SMAD3: variants seen among roughly 807,000 people sequenced by gnomAD.
The protein encoded by SMAD3 is SMAD family member 3.
In SMAD3, 12 loss-of-function variants were observed where a neutral mutation model predicts 51.8. The observed-to-expected ratio is 0.23, with a 90% CI of 0.15 to 0.38. The LOEUF (loss-of-function observed/expected upper bound fraction) is 0.38. Ranked by LOEUF, SMAD3 falls within the 10% of genes least tolerant of loss-of-function variation. The pLI is 1.00. For missense variants in SMAD3, 294 were observed against 565.6 expected (o/e 0.52, Z 4.87); for synonymous variants, 238 against 227.7 (o/e 1.05, Z -0.41).
intron 1 of SMAD3, among the ~76,000 whole-genome samples, chr15:67,094,103 G>T (rs567744456): frequency 6.6e-6 from 1 of 152,202 alleles, no homozygotes; most frequent in East Asian, 1.9e-4. Flanking sequence ...CCTGTGGAGG[G>T]GTCCTCAGGG....
At chr15:67,089,576 C>T (rs952484708) in intron 1 of SMAD3, among the ~76,000 whole-genome samples, 2 of 152,194 alleles carry the variant, frequency 1.3e-5, no homozygotes, top group African/African-American at 4.8e-5. Flanking sequence ...TTTGTCTACA[C>T]TGTGTTGCCT....
Position 67,106,538 on chromosome 15 carries a change from A to C in SMAD3, c.206+40178A>C, listed in dbSNP as rs541043637. Among the ~76,000 whole-genome samples, 4 of 152,268 alleles carry C rather than the reference A, an allele frequency of 2.6e-5. No homozygotes were observed. In the South Asian group the frequency reaches 8.3e-4, roughly 32 times the overall value. On this transcript the variant is annotated intron_variant, in intron 1 of 8. Transcript: ENST00000327367. Reference sequence around the variant, plus strand: ...TCTTTTCCTTCTGAGACCCTACTCCAGCTTGTAGTTCTAAATCTGTGATTA... The same window carrying C: ...TCTTTTCCTTCTGAGACCCTACTCCCGCTTGTAGTTCTAAATCTGTGATTA...
chr15:67,095,379 G>A (rs774899099), intron 1 of SMAD3, among the ~76,000 whole-genome samples: 18 of 152,070 alleles, frequency 1.2e-4, no homozygotes, highest in Non-Finnish European at 2.2e-4. Context: ...TGGGTGAACT[G>A]GCCAGCAAAT....
At chr15:67,087,938 G>A (rs1203138427) in intron 1 of SMAD3, among the ~76,000 whole-genome samples, 1 of 152,174 alleles carries the variant, frequency 6.6e-6, no homozygotes, top group African/African-American at 2.4e-5. Flanking sequence ...GCCTGAAATG[G>A]GTGGAGCAAG....
intron 1 of SMAD3, among the ~76,000 whole-genome samples, chr15:67,150,341 G>A (rs931373492): frequency 4.1e-4 from 63 of 152,098 alleles, no homozygotes; most frequent in African/African-American, 1.5e-3. Context: ...CCCGCCCCCA[G>A]TCAGGAATGC....
At chr15:67,117,575 C>T (rs537636491) in intron 1 of SMAD3, among the ~76,000 whole-genome samples, 3 of 152,186 alleles carry the variant, frequency 2.0e-5, no homozygotes, top group South Asian at 2.1e-4. Context: ...GGGTGGGCGA[C>T]TCTGGTGGGT....
chr15:67,117,560 G>T (rs1658961001), intron 1 of SMAD3, among the ~76,000 whole-genome samples: 1 of 152,154 alleles, frequency 6.6e-6, no homozygotes, highest in Non-Finnish European at 1.5e-5. Flanking sequence ...TTCAGCAGAT[G>T]TGCCGGGTGG....
At chr15:67,174,975 C>G (rs1474844279) in intron 5 of SMAD3, among the ~76,000 whole-genome samples, 1 of 152,180 alleles carries the variant, frequency 6.6e-6, no homozygotes, top group Non-Finnish European at 1.5e-5. Flanking sequence ...CAGGCAGGCT[C>G]TCGGAGACCC....
chr15:67,177,422 G>GTTTTTTTTTTTTTTTTTTTT lies in SMAD3; in HGVS notation c.659-3806_659-3805insTTTTTTTTTTTTTTTTTTTT, dbSNP rs68095915. Among the ~76,000 whole-genome samples, 297 of 93,846 alleles carry GTTTTTTTTTTTTTTTTTTTT rather than the reference G, an allele frequency of 3.2e-3. 34 individuals carry two copies. Among genetic ancestry groups the GTTTTTTTTTTTTTTTTTTTT allele is most frequent in the African/African-American group, 0.01 (263 of 25,414 alleles). The allele number at this position is 93,846 out of a possible 152,430, so 61.6% of individuals were successfully genotyped here. A position where few individuals can be genotyped will look rare whatever the true frequency, so the allele number is the denominator to read the frequency against. ...AATGAGGGCATATTTAGTGTTTTGGGTTTTTTTTTTTTTGGTGTGTGGCAG... is the reference window on the plus strand; with the variant it reads ...AATGAGGGCATATTTAGTGTTTTGGGTTTTTTTTTTTTTTTTTTTTTTTTTTTTTTTTTGGTGTGTGGCAG... On this transcript the variant is annotated intron_variant, in intron 5 of 8. Transcript: ENST00000327367.
intron 6 of SMAD3, 57 bp downstream of exon 6, chr15:67,181,510 C>T: frequency 7.2e-7 from 1 of 1,380,834 alleles, no homozygotes; most frequent in Non-Finnish European, 9.9e-7. Flanking sequence ...TCTATCCCAC[C>T]CCCAGCCCCA....
At chr15:67,147,865 A>T (rs1962021917) in intron 1 of SMAD3, among the ~76,000 whole-genome samples, 1 of 152,142 alleles carries the variant, frequency 6.6e-6, no homozygotes, top group Non-Finnish European at 1.5e-5. Context: ...TACGACTGCC[A>T]CTGTTTAGTT....
intron 1 of SMAD3, among the ~76,000 whole-genome samples, chr15:67,132,861 A>G (rs986231678): frequency 6.6e-6 from 1 of 151,910 alleles, no homozygotes; most frequent in Non-Finnish European, 1.5e-5. Context: ...ATTCTGATAA[A>G]CTCCTTGAGT....
chr15:67,069,675 C>T (rs1447420122), intron 1 of SMAD3, among the ~76,000 whole-genome samples: 1 of 151,938 alleles, frequency 6.6e-6, no homozygotes, highest in Admixed American at 6.6e-5. Context: ...AACACTAGGT[C>T]TGACACACAG....
intron 1 of SMAD3, among the ~76,000 whole-genome samples, chr15:67,119,781 C>T (rs1397817472): frequency 1.3e-5 from 2 of 152,064 alleles, no homozygotes; most frequent in East Asian, 1.9e-4. Context: ...TTTCTAGTAA[C>T]TTCAAGGGGT....
chr15:67,183,003 ATAT>A (rs1963115001), intron 6 of SMAD3, among the ~76,000 whole-genome samples: 8 of 48,746 alleles, frequency 1.6e-4, no homozygotes, highest in African/African-American at 6.4e-4. Context: ...AAAAAAAAAT[ATAT>A]ATATATATAT....
At position 67,181,427 on chromosome 15, in the gene SMAD3, C is replaced by T. The variant is rs1368937245; in HGVS notation, c.845C>T (p.Ala282Val). Residue 282 changes from alanine (A) to valine (V), a missense_variant, in exon 6 of 9, where the codon GCA becomes GTA. This residue lies in a region of SMAD3 where 118 missense variants were observed against 278.0 expected (regional missense o/e 0.42). Transcript: ENST00000327367. The stretch of plus-strand genomic sequence containing the variant: ...CTCTCCAATGTCAACAGGAATGCAG[C>T]AGTGGAGCTGACACGGAGACACATC... ...GLLSNVNRNAAVELTRRHIGR... is the reference protein window; with the variant it reads ...GLLSNVNRNAVVELTRRHIGR... 1 of 1,613,694 alleles carries T rather than the reference C, an allele frequency of 6.2e-7. No homozygotes were observed. Among genetic ancestry groups the T allele is most frequent in the Non-Finnish European group, 8.5e-7 (1 of 1,180,020 alleles).
chr15:67,183,031 A>ATTTTTTTTTT (rs57749736), intron 6 of SMAD3, among the ~76,000 whole-genome samples: 2 of 29,698 alleles, frequency 6.7e-5, no homozygotes, highest in African/African-American at 3.3e-4. Flanking sequence ...ATATATATAT[A>ATTTTTTTTTT]TTTTTTTTTT....
chr15:67,168,352 C>T (rs1416298724), intron 4 of SMAD3, among the ~76,000 whole-genome samples: 1 of 152,236 alleles, frequency 6.6e-6, no homozygotes, highest in Non-Finnish European at 1.5e-5. Flanking sequence ...CCCGGTGAAA[C>T]ACACCCACCC....
chr15:67,105,458 G>T (rs555513165), intron 1 of SMAD3, among the ~76,000 whole-genome samples: 1 of 152,132 alleles, frequency 6.6e-6, no homozygotes, highest in East Asian at 1.9e-4. Context: ...GAGCCCCTAC[G>T]GGAAGCAAAG....
Sources: allele counts gnomAD v4.1 joint callset (sites outside exome capture counted in the v4.1 genomes callset), GRCh38; gene constraint gnomAD v4.1.1; regional missense constraint gnomAD v4.1.1; transcripts MANE v1.5; gene names NCBI Gene and HGNC (gene_info 2026-07-23, HGNC 2026-07-21).